PDIA6: variants seen among roughly 807,000 people sequenced by gnomAD.
PDIA6 encodes protein disulfide isomerase family A member 6.
PDIA6 carries 29 observed loss-of-function variants against 58.4 expected under a neutral mutation model. The observed-to-expected ratio is 0.50, with a 90% CI of 0.37 to 0.68. PDIA6 has a LOEUF of 0.68. Ranked by LOEUF, PDIA6 falls within the 30% of genes least tolerant of loss-of-function variation. The pLI is 0.00. For missense variants in PDIA6, 480 were observed against 551.0 expected (o/e 0.87, Z 1.29); for synonymous variants, 192 against 202.6 (o/e 0.95, Z 0.44).
chr2:10,786,105 T>C (rs893596495), intron 11 of PDIA6, among the ~76,000 whole-genome samples: 4 of 152,054 alleles, frequency 2.6e-5, no homozygotes, highest in Non-Finnish European at 5.9e-5. Context: ...GGTGGATCAC[T>C]TGAGGTCAGG....
chr2:10,822,205 T>C (rs1667417540), intron 1 of PDIA6, among the ~76,000 whole-genome samples: 1 of 152,072 alleles, frequency 6.6e-6, no homozygotes, highest in South Asian at 2.1e-4. Context: ...TGCTAGAGTG[T>C]TGAGATTACA....
intron 6 of PDIA6, among the ~76,000 whole-genome samples, chr2:10,791,247 G>A (rs768787188): frequency 6.6e-6 from 1 of 151,814 alleles, no homozygotes; most frequent in Non-Finnish European, 1.5e-5. Context: ...ACAATCAAGA[G>A]ATTCTTGCAC....
At position 10,793,257 on chromosome 2, in the gene PDIA6, T is replaced by C. The variant is rs1349779992; in HGVS notation, c.347-55A>G. 2.5e-6 allele frequency: 3 copies of C among 1,203,470 alleles called. No individual in the cohort carries two copies. In the African/African-American group the frequency reaches 4.5e-5, roughly 18 times the overall value. The allele number at this position is 1,203,470 out of a possible 1,614,324, so 74.5% of individuals were successfully genotyped here. The stretch of plus-strand genomic sequence containing the variant: ...AGCCCGGCCTTCAGCAAGTGCCTCA[T>C]CTGGCCCGGCCCAAGACTGTGTCTT... On this transcript the variant is annotated intron_variant, in intron 4 of 12. Coordinates refer to ENST00000272227, the MANE Select transcript of PDIA6 (RefSeq NM_005742.4).
intron 2 of PDIA6, among the ~76,000 whole-genome samples, chr2:10,818,851 TG>T (rs981919671): frequency 1.3e-5 from 2 of 152,124 alleles, no homozygotes; most frequent in Non-Finnish European, 2.9e-5. Flanking sequence ...TACAGTTCCA[TG>T]GCATTAAATG....
At chr2:10,821,968 C>T (rs915568291) in intron 1 of PDIA6, among the ~76,000 whole-genome samples, 2 of 151,458 alleles carry the variant, frequency 1.3e-5, no homozygotes, top group Non-Finnish European at 2.9e-5. Context: ...TTTTTTGAGA[C>T]AGAGTCTGTT....
chr2:10,830,275 A>C (rs1667673101), intron 1 of PDIA6, among the ~76,000 whole-genome samples: 1 of 152,240 alleles, frequency 6.6e-6, no homozygotes, highest in African/African-American at 2.4e-5. Flanking sequence ...GAATGTTGGA[A>C]TGAATGAACG....
intron 1 of PDIA6, among the ~76,000 whole-genome samples, chr2:10,803,021 G>A (rs1450633276): frequency 1.3e-5 from 2 of 152,166 alleles, no homozygotes; most frequent in African/African-American, 2.4e-5. Context: ...GTAACCCTGG[G>A]CAATCACGTA....
chr2:10,789,917 T>A (rs1665954103), intron 7 of PDIA6, 28 bp from the exon 8 acceptor site: 1 of 1,583,892 alleles, frequency 6.3e-7, no homozygotes, highest in East Asian at 2.2e-5. Context: ...GAGGATAAAA[T>A]CCAATTAACA....
intron 11 of PDIA6, among the ~76,000 whole-genome samples, chr2:10,785,448 CG>C (rs942279012): frequency 6.6e-6 from 1 of 152,070 alleles, no homozygotes; most frequent in Non-Finnish European, 1.5e-5. Flanking sequence ...TGGCAGAGAG[CG>C]GGGTGCGTAT....
intron 1 of PDIA6, among the ~76,000 whole-genome samples, chr2:10,810,808 G>A (rs1572689674): frequency 1.3e-5 from 2 of 152,164 alleles, no homozygotes; most frequent in African/African-American, 4.8e-5. Flanking sequence ...GCTCACTTAA[G>A]ATGACAAAGT....
At chr2:10,830,918 G>T (rs1002812864) in intron 1 of PDIA6, among the ~76,000 whole-genome samples, 3 of 152,322 alleles carry the variant, frequency 2.0e-5, no homozygotes, top group African/African-American at 7.2e-5. Flanking sequence ...CAGCTTTTCA[G>T]AACATTCAGT....
At chr2:10,801,071 G>T (rs1666491428) in intron 2 of PDIA6, among the ~76,000 whole-genome samples, 1 of 152,096 alleles carries the variant, frequency 6.6e-6, no homozygotes, top group Non-Finnish European at 1.5e-5. Flanking sequence ...TTGAGCCCTG[G>T]AGTTAGAGAC....
chr2:10,798,506 T>C (rs1666363846), intron 2 of PDIA6, among the ~76,000 whole-genome samples: 1 of 149,852 alleles, frequency 6.7e-6, no homozygotes. Flanking sequence ...AAACGGAGGT[T>C]GCAGTGAGCT....
In PDIA6 at chr2:10,793,078, G is replaced by A. The variant is rs752510362; in HGVS notation, c.453+18C>T. ...TCAAAATTATGACACATTAAAAACT[G>A]ACATTTTATGGTCTTACTTGTTTTC... On this transcript the variant is annotated intron_variant, in intron 5 of 12. Transcript: ENST00000272227. The A allele has an allele frequency of 6.5e-6, 10 of 1,537,750 alleles. No individual in the cohort carries two copies. Among genetic ancestry groups the A allele is most frequent in the Non-Finnish European group, 9.0e-6 (10 of 1,110,442 alleles).
At chr2:10,812,462 G>A (rs929469780) in intron 1 of PDIA6, among the ~76,000 whole-genome samples, 1 of 151,604 alleles carries the variant, frequency 6.6e-6, no homozygotes, top group Non-Finnish European at 1.5e-5. Flanking sequence ...CCGCGGCTGC[G>A]GAAGCCCCTC....
At position 10,793,214 on chromosome 2, in the gene PDIA6, G is replaced by C; in HGVS notation, c.347-12C>G. 6.3e-7 allele frequency: 1 copy of C among 1,581,356 alleles called. No homozygotes were observed. Reference sequence around the variant, plus strand: ...ACCAGTTCTGCCACCTACAGGAGACGGAAGGTAGGCGGTCCTCAGCCCGGC... The same window carrying C: ...ACCAGTTCTGCCACCTACAGGAGACCGAAGGTAGGCGGTCCTCAGCCCGGC... On this transcript the variant is annotated splice_polypyrimidine_tract_variant and intron_variant, in intron 4 of 12. Transcript: ENST00000272227.
upstream of PDIA6, among the ~76,000 whole-genome samples, chr2:10,835,469 T>G (rs1667813384): frequency 6.6e-6 from 1 of 151,782 alleles, no homozygotes; most frequent in African/African-American, 2.4e-5. Flanking sequence ...AGCCTGGAGG[T>G]GACGAGGCCG....
chr2:10,817,789 C>A (rs1038769035), intron 2 of PDIA6, among the ~76,000 whole-genome samples: 1 of 152,220 alleles, frequency 6.6e-6, no homozygotes, highest in Non-Finnish European at 1.5e-5. Context: ...AGATCAGTGC[C>A]ACCCTCCAAC....
upstream of PDIA6, among the ~76,000 whole-genome samples, chr2:10,815,796 C>T (rs954800145): frequency 3.3e-5 from 5 of 152,194 alleles, no homozygotes; most frequent in African/African-American, 4.8e-5. Context: ...CCGCCTGCCT[C>T]GGCCTCCCAA....
Sources: gnomAD v4.1 joint callset for allele counts (sites outside exome capture counted in the v4.1 genomes callset) on GRCh38, gnomAD v4.1.1 for gene constraint, MANE v1.5 for transcripts, NCBI Gene and HGNC (gene_info 2026-07-23, HGNC 2026-07-21) for gene names.